Variants in ENTPD5 observed in about 807,000 individuals in gnomAD.
ENTPD5 encodes ectonucleoside triphosphate diphosphohydrolase 5 (inactive), also known as nucleoside diphosphate phosphatase ENTPD5.
A neutral mutation model predicts 60.2 loss-of-function variants in ENTPD5; 49 were observed. The ratio of observed to expected loss-of-function variants is 0.81; its 90% confidence interval spans 0.65 to 1.03. ENTPD5 has a LOEUF of 1.03. ENTPD5 is among the 50% of genes least tolerant of loss of function. ENTPD5 has a pLI of 0.00. For synonymous variants in ENTPD5, 187 were observed against 185.4 expected (o/e 1.01, Z -0.07); for missense variants, 480 against 507.6 (o/e 0.95, Z 0.52).
At chr14:73,960,696 A>T, downstream of ENTPD5, 1 of 629,134 alleles carries the variant, frequency 1.6e-6, no homozygotes, top group Non-Finnish European at 2.1e-6. Context: ...CGTAAATGAC[A>T]ATCTCCGTAC....
chr14:73,962,803 T>C (rs1402870961), downstream of ENTPD5: 5 of 640,036 alleles, frequency 7.8e-6, no homozygotes, highest in Admixed American at 1.3e-4. Context: ...GTCAACAGAG[T>C]GAGACCCTGT....
intron 3 of ENTPD5, among the ~76,000 whole-genome samples, chr14:74,000,207 A>G (rs2058465744): frequency 6.6e-6 from 1 of 151,926 alleles, no homozygotes; most frequent in Admixed American, 6.6e-5. Context: ...CTGTAATCCT[A>G]GCACTTTGGG....
At chr14:73,957,014 C>T (rs1202575056), downstream of ENTPD5, among the ~76,000 whole-genome samples, 2 of 152,078 alleles carry the variant, frequency 1.3e-5, no homozygotes, top group Non-Finnish European at 2.9e-5. Flanking sequence ...TTGCAGTTGT[C>T]TCTGAGTAGT....
At chr14:74,013,910 T>C (rs143975744) in intron 2 of ENTPD5, among the ~76,000 whole-genome samples, 1,740 of 152,214 alleles carry the variant, frequency 0.011, 12 homozygotes, top group South Asian at 0.03. Context: ...AGGTAATTTT[T>C]CATTGCTTTT....
At chr14:73,961,628 G>T (rs1455159678), downstream of ENTPD5, 3 of 1,605,226 alleles carry the variant, frequency 1.9e-6, no homozygotes, top group African/African-American at 4.0e-5. Flanking sequence ...GGCAAGATCA[G>T]GGCCCACAGT....
chr14:73,999,174 A>G (rs1299289145), intron 3 of ENTPD5, among the ~76,000 whole-genome samples: 1 of 152,142 alleles, frequency 6.6e-6, no homozygotes, highest in Non-Finnish European at 1.5e-5. Context: ...AATAACCGTA[A>G]CTTTTTAAAC....
At chr14:73,994,346 C>T (rs955437531) in intron 3 of ENTPD5, among the ~76,000 whole-genome samples, 13 of 150,946 alleles carry the variant, frequency 8.6e-5, no homozygotes, top group African/African-American at 2.9e-4. Context: ...AGGCTGGTTT[C>T]GAACTCCTGA....
Position 73,984,260 on chromosome 14 carries a change from G to C in ENTPD5, c.298-1099C>G, listed in dbSNP as rs146894742. ...TAGAGTGAAGAAAACAGGAGTTAGA[G>C]TCAGAAGACTTGCTTGCTAGCCCTG... On this transcript the variant is annotated intron_variant, in intron 5 of 15. Coordinates refer to ENST00000334696, the MANE Select transcript of ENTPD5 (RefSeq NM_001249.5). Among the ~76,000 whole-genome samples the C allele has an allele frequency of 2.9e-3, 442 of 152,306 alleles. 1 individual carries two copies. The highest frequency in any genetic ancestry group is 9.6e-3 in the African/African-American group (400 of 41,566).
chr14:74,016,590 C>T lies in ENTPD5; in HGVS notation c.-237-660G>A, dbSNP rs370583312. Among the ~76,000 whole-genome samples the T allele has an allele frequency of 1.2e-4, 18 of 152,182 alleles. 1 individual carries two copies. Among genetic ancestry groups the T allele is most frequent in the African/African-American group, 3.9e-4 (16 of 41,532 alleles). On this transcript the variant is annotated intron_variant, in intron 1 of 15. Coordinates refer to ENST00000334696, the MANE Select transcript of ENTPD5 (RefSeq NM_001249.5). ...GGTCGAAGCTGTAATGAGCCATGAT[C>T]CTGCCACTGTACTCCAGCATGGTTA...
intron 8 of ENTPD5, among the ~76,000 whole-genome samples, 171 bp downstream of exon 8, chr14:73,976,853 A>C (rs1388692017): frequency 6.6e-6 from 1 of 152,086 alleles, no homozygotes; most frequent in Non-Finnish European, 1.5e-5. Context: ...TGATCTGCCC[A>C]ACTCAGCCTC....
intron 3 of ENTPD5, among the ~76,000 whole-genome samples, 194 bp downstream of exon 3, chr14:74,010,897 T>C (rs912169884): frequency 6.6e-6 from 1 of 152,162 alleles, no homozygotes; most frequent in African/African-American, 2.4e-5. Context: ...GCCATAATTA[T>C]TAGAATTTCA....
At chr14:73,960,090 G>GT, downstream of ENTPD5, 4 of 1,001,240 alleles carry the variant, frequency 4.0e-6, no homozygotes, top group South Asian at 4.3e-5. Flanking sequence ...TTTTGAAGCT[G>GT]TAACACTTGG....
chr14:74,003,930 A>T (rs1232375257), intron 3 of ENTPD5, among the ~76,000 whole-genome samples: 2 of 151,480 alleles, frequency 1.3e-5, no homozygotes, highest in African/African-American at 4.9e-5. Flanking sequence ...AACCCTATTA[A>T]AAAAAATTTT....
At chr14:74,011,591 G>GCAC (rs2058846964) in intron 2 of ENTPD5, among the ~76,000 whole-genome samples, 2 of 152,072 alleles carry the variant, frequency 1.3e-5, no homozygotes, top group African/African-American at 2.4e-5. Context: ...GAGCTCAGGA[G>GCAC]TTTGTGACCA....
downstream of ENTPD5, chr14:73,961,606 G>T: frequency 6.2e-7 from 1 of 1,611,014 alleles, no homozygotes; most frequent in Non-Finnish European, 8.5e-7. Flanking sequence ...GTATCCAGAG[G>T]TCATATAGTT....
chr14:73,998,235 C>A (rs906482934), intron 3 of ENTPD5, among the ~76,000 whole-genome samples: 1 of 152,078 alleles, frequency 6.6e-6, no homozygotes, highest in Non-Finnish European at 1.5e-5. Context: ...GCATCTGAAG[C>A]CTGTTGTACA....
chr14:74,004,081 G>C (rs1436904386), intron 3 of ENTPD5, among the ~76,000 whole-genome samples: 1 of 152,062 alleles, frequency 6.6e-6, no homozygotes, highest in Admixed American at 6.6e-5. Flanking sequence ...CTCCAGCATG[G>C]GTGACAGAGC....
Position 73,965,004 on chromosome 14 carries a change from C to T in ENTPD5, c.*1924G>A, listed in dbSNP as rs558191163. On this transcript the variant is annotated 3_prime_UTR_variant, in exon 16 of 16. Transcript: ENST00000334696. ...TTATTTCTTTGGGCTGTTTCCAACT[C>T]AAGATTCTGTTATTTCATTATAAGC... 7.2e-5 allele frequency: 11 copies of T among 152,242 alleles called. No individual in the cohort carries two copies. The highest frequency in any genetic ancestry group is 3.3e-4 in the Admixed American group (5 of 15,284). The allele number at this position is 152,242 out of a possible 1,614,324, so 9.4% of individuals were successfully genotyped here.
chr14:73,995,731 T>C (rs1314672849), intron 3 of ENTPD5, among the ~76,000 whole-genome samples: 2 of 152,042 alleles, frequency 1.3e-5, no homozygotes, highest in African/African-American at 4.8e-5. Flanking sequence ...TCCAAATGTG[T>C]CAAGTTTTAT....
Sources: allele counts gnomAD v4.1 joint callset (sites outside exome capture counted in the v4.1 genomes callset), GRCh38; gene constraint gnomAD v4.1.1; transcripts MANE v1.5; gene names NCBI Gene and HGNC (gene_info 2026-07-23, HGNC 2026-07-21).